Variants in PKHD1 observed in about 807,000 individuals in gnomAD.
The protein encoded by PKHD1 is fibrocystin.
A neutral mutation model predicts 412.0 loss-of-function variants in PKHD1; 291 were observed. That is an observed-to-expected ratio of 0.71 (90% CI 0.64 to 0.78). The LOEUF (loss-of-function observed/expected upper bound fraction) is 0.78, where lower values mean the gene tolerates loss of function less well. Ranked by LOEUF, PKHD1 falls within the 30% of genes least tolerant of loss-of-function variation. PKHD1 has a pLI of 0.00. For synonymous variants in PKHD1, 1,777 were observed against 1,821.5 expected, an observed-to-expected ratio of 0.98 and a Z score of 0.62; for missense variants, 4,825 against 4,950.7, an observed-to-expected ratio of 0.97 and a Z score of 0.76.
rs1222628428 is a variant in PKHD1, at chr6:51,649,087, G to T, written c.11308C>A (p.Gln3770Lys). 6.2e-7 allele frequency: 1 copy of T among 1,613,350 alleles called. No individual in the cohort carries two copies. Among genetic ancestry groups the T allele is most frequent in the Non-Finnish European group, 8.5e-7 (1 of 1,179,560 alleles). ...ATTTGTTACCTGTGAAAAGTTACCT[G>T]CTCATCCAAAAATACCAATTGTGGC... ...VQPQLVFLDE[Q>K]NRRVESLGPP... The change falls in exon 62 of 67, where the codon CAG (glutamine) becomes AAG (lysine). Residue 3770 changes from glutamine to lysine, a missense_variant and splice_region_variant. Gln to Lys is a moderately conservative substitution (Grantham distance 53). Coordinates refer to ENST00000371117, the MANE Select transcript of PKHD1 (RefSeq NM_138694.4).
At chr6:51,749,696 T>C (rs541866055) in intron 57 of PKHD1, among the ~76,000 whole-genome samples, 82 of 152,140 alleles carry the variant, frequency 5.4e-4, no homozygotes, top group African/African-American at 1.8e-3. Flanking sequence ...CAGAGAAGAG[T>C]GAACTAACAA....
chr6:51,642,463 A>G (rs976792989), intron 63 of PKHD1, among the ~76,000 whole-genome samples: 1 of 152,162 alleles, frequency 6.6e-6, no homozygotes, highest in African/African-American at 2.4e-5. Flanking sequence ...AGTATGTGTA[A>G]GTTGTGGAAT....
chr6:51,706,672 CT>C (rs1205484416), intron 60 of PKHD1, among the ~76,000 whole-genome samples: 2 of 152,110 alleles, frequency 1.3e-5, no homozygotes, highest in Non-Finnish European at 2.9e-5. Context: ...CCATTAACAC[CT>C]TTTCCCTACA....
At chr6:51,954,606 T>C (rs1790840041) in intron 36 of PKHD1, among the ~76,000 whole-genome samples, 1 of 152,108 alleles carries the variant, frequency 6.6e-6, no homozygotes, top group Admixed American at 6.6e-5. Context: ...TCCTTTTTTA[T>C]TGTATATATT....
At chr6:51,646,254 T>C (rs1770069020) in intron 63 of PKHD1, among the ~76,000 whole-genome samples, 3 of 152,190 alleles carry the variant, frequency 2.0e-5, no homozygotes, top group African/African-American at 4.8e-5. Context: ...GAGAAGGAAA[T>C]ACACAATCCT....
intron 35 of PKHD1, among the ~76,000 whole-genome samples, chr6:51,982,855 AAAAATAAAATAAAAT>A (rs376352534): frequency 1.3e-4 from 16 of 126,034 alleles, no homozygotes; most frequent in African/African-American, 2.4e-4. Flanking sequence ...ATAAAAAAAT[AAAAATAAAATAAAAT>A]AAAATAAAAT....
intron 60 of PKHD1, chr6:51,739,890 C>T (rs754974541): frequency 1.6e-4 from 72 of 451,816 alleles, no homozygotes; most frequent in Non-Finnish European, 3.0e-4. Context: ...ATGTGTGAAC[C>T]GGGGTGTGAG....
intron 34 of PKHD1, among the ~76,000 whole-genome samples, chr6:52,015,509 T>C (rs777142055): frequency 6.6e-6 from 1 of 152,204 alleles, no homozygotes; most frequent in Non-Finnish European, 1.5e-5. Context: ...GGGCACTTAT[T>C]ATAATTCTTA....
chr6:51,821,997 C>T (rs9474091), intron 52 of PKHD1, among the ~76,000 whole-genome samples: 64,438 of 151,916 alleles, frequency 0.42, 14,433 homozygotes, highest in Middle Eastern at 0.61. Context: ...GACAGTAATT[C>T]CTTAAATGAC....
intron 58 of PKHD1, 139 bp from the exon 59 acceptor site, chr6:51,747,028 A>G: frequency 1.7e-6 from 1 of 605,162 alleles, no homozygotes; most frequent in South Asian, 2.2e-5. Context: ...TTAGGAGTTT[A>G]CATACATCTT....
intron 43 of PKHD1, among the ~76,000 whole-genome samples, chr6:51,890,299 A>G (rs1004893862): frequency 3.9e-5 from 6 of 152,180 alleles, no homozygotes; most frequent in African/African-American, 1.4e-4. Context: ...TAGGACCCAA[A>G]GGCAGGATGC....
intron 16 of PKHD1, among the ~76,000 whole-genome samples, chr6:52,058,117 C>G (rs1369964647): frequency 6.6e-6 from 1 of 152,194 alleles, no homozygotes; most frequent in African/African-American, 2.4e-5. Flanking sequence ...ATTCCTAAAA[C>G]TAACTCAATG....
At position 51,961,402 on chromosome 6, in the gene PKHD1, T is replaced by C. The variant is rs373658168; in HGVS notation, c.5752-1376A>G. ...AGTAAAAGTCTATGACTCATCACAA[T>C]TTAAGAGATGGAAGGAAATAAGGCA... On this transcript the variant is annotated intron_variant, in intron 35 of 66. Transcript: ENST00000371117. Among the ~76,000 whole-genome samples the C allele has an allele frequency of 1.4e-4, 21 of 152,150 alleles. No homozygotes were observed. In the East Asian group the frequency reaches 3.1e-3, roughly 22 times the overall value.
At chr6:51,803,504 G>T (rs1328957388) in intron 52 of PKHD1, among the ~76,000 whole-genome samples, 1 of 150,308 alleles carries the variant, frequency 6.7e-6, no homozygotes, top group Non-Finnish European at 1.5e-5. Context: ...TGTCCTTAGA[G>T]TTAATTCCTC....
At chr6:51,700,014 T>A (rs1296312613) in intron 60 of PKHD1, among the ~76,000 whole-genome samples, 1 of 150,938 alleles carries the variant, frequency 6.6e-6, no homozygotes, top group Non-Finnish European at 1.5e-5. Context: ...GTATATAGAG[T>A]ATATTAGCTA....
chr6:51,996,036 C>T lies in PKHD1; in HGVS notation c.5751+14273G>A, dbSNP rs543952604. Among the ~76,000 whole-genome samples the T allele has an allele frequency of 8.0e-5, 12 of 150,868 alleles. No individual in the cohort carries two copies. The South Asian group carries it at 1.0e-3, about 13-fold the overall frequency. On this transcript the variant is annotated intron_variant, in intron 35 of 66. Transcript: ENST00000371117. ...TTTTTTTTTTTTTGAAATGGAGTCTCGCTCCGTCGCCCAGACTGGAGTGCA... is the reference window on the plus strand; with the variant it reads ...TTTTTTTTTTTTTGAAATGGAGTCTTGCTCCGTCGCCCAGACTGGAGTGCA...
At chr6:51,664,976 A>C (rs1423813579) in intron 60 of PKHD1, among the ~76,000 whole-genome samples, 1 of 152,076 alleles carries the variant, frequency 6.6e-6, no homozygotes, top group Non-Finnish European at 1.5e-5. Flanking sequence ...AAATATTCTC[A>C]TCATTCTTTC....
chr6:51,736,714 C>T (rs562690428), intron 60 of PKHD1, among the ~76,000 whole-genome samples: 4 of 152,250 alleles, frequency 2.6e-5, no homozygotes, highest in African/African-American at 9.6e-5. Context: ...CAGATATTGG[C>T]AGACAAATTT....
chr6:51,951,973 G>T (rs1790433476), intron 36 of PKHD1, among the ~76,000 whole-genome samples: 2 of 152,190 alleles, frequency 1.3e-5, no homozygotes, highest in Non-Finnish European at 2.9e-5. Flanking sequence ...TAGCTTCTCT[G>T]CTAGGAAGGG....
Sources: gnomAD v4.1 joint callset for allele counts (sites outside exome capture counted in the v4.1 genomes callset) on GRCh38, gnomAD v4.1.1 for gene constraint, MANE v1.5 for transcripts, NCBI Gene and HGNC (gene_info 2026-07-23, HGNC 2026-07-21) for gene names.